The following CCDC39 variants were observed in gnomAD, a reference collection of about 807,000 sequenced individuals.
CCDC39 encodes the protein coiled-coil domain 39 molecular ruler complex subunit, also known as coiled-coil domain-containing protein 39.
Under a neutral mutation model 121.0 loss-of-function variants are expected in CCDC39, and 113 were observed. The ratio of observed to expected loss-of-function variants is 0.93; its 90% CI spans 0.80 to 1.09. The LOEUF is 1.09. CCDC39 is among the 50% of genes least tolerant of loss of function. The probability of loss-of-function intolerance (pLI) is 0.00; values close to 1 mark genes in which losing one functional copy is unlikely to be tolerated. For synonymous variants in CCDC39, 349 were observed against 352.2 expected, an observed-to-expected ratio of 0.99 and a Z score of 0.10; for missense variants, 1,063 against 1,074.7, an observed-to-expected ratio of 0.99 and a Z score of 0.15.
intron 1 of CCDC39, among the ~76,000 whole-genome samples, chr3:180,665,859 T>A (rs1351495327): frequency 6.6e-6 from 1 of 151,916 alleles, no homozygotes; most frequent in Admixed American, 6.6e-5. Context: ...AAAAATAATT[T>A]AAAAATAATC....
rs562082088 is a variant in CCDC39 at position 180,629,363 on chromosome 3, G to A, written c.1998+2106C>T. Reference sequence around the variant, plus strand: ...CTACTGGCCAAAATTCATTTACATTGTTAGCAGCAAGATATCACTTACGTT... The same window carrying A: ...CTACTGGCCAAAATTCATTTACATTATTAGCAGCAAGATATCACTTACGTT... On this transcript the variant is annotated intron_variant, in intron 14 of 19. Transcript: ENST00000476379. Among the ~76,000 whole-genome samples the A allele has an allele frequency of 1.2e-4, 19 of 152,286 alleles. 1 individual carries two copies. In the East Asian group the frequency reaches 3.3e-3, roughly 26 times the overall value.
At chr3:180,647,666 A>T (rs1718104702) in intron 10 of CCDC39, among the ~76,000 whole-genome samples, 2 of 152,072 alleles carry the variant, frequency 1.3e-5, no homozygotes, top group Admixed American at 1.3e-4. Flanking sequence ...ATACTTTAAC[A>T]TCTGTAATTT....
chr3:180,676,218 T>A (rs1159079950), intron 1 of CCDC39, among the ~76,000 whole-genome samples: 70 of 152,198 alleles, frequency 4.6e-4, no homozygotes, highest in Non-Finnish European at 1.8e-4. Flanking sequence ...AACTACAGAA[T>A]GGGAGAAAAT....
At chr3:180,634,026 T>G (rs1183284119) in intron 13 of CCDC39, among the ~76,000 whole-genome samples, 3 of 152,116 alleles carry the variant, frequency 2.0e-5, no homozygotes, top group Non-Finnish European at 4.4e-5. Context: ...GCCTGAGGAC[T>G]ATGCCTGAGC....
rs2108402253 is a variant in CCDC39, at chr3:180,614,054, A to G, written c.*867T>C. On this transcript the variant is annotated 3_prime_UTR_variant, in exon 20 of 20. Transcript: ENST00000476379. ...AAAATCCAGTTTTATAATATTCCAC[A>G]CTCTATTCCAAGAGTACAAAGTGTT... is the stretch of plus-strand genomic sequence containing the variant. The G allele has an allele frequency of 6.4e-6, 2 of 310,722 alleles. No individual in the cohort carries two copies. Among genetic ancestry groups the G allele is most frequent in the East Asian group, 1.7e-4 (2 of 11,960 alleles). The allele number at this position is 310,722 out of a possible 1,614,324, so 19.2% of individuals were successfully genotyped here. A position where few individuals can be genotyped will look rare whatever the true frequency, so the allele number is the denominator to read the frequency against.
intron 1 of CCDC39, among the ~76,000 whole-genome samples, chr3:180,669,220 C>T (rs1560094852): frequency 1.3e-5 from 2 of 151,856 alleles, no homozygotes; most frequent in Non-Finnish European, 2.9e-5. Context: ...TTTATCTTTA[C>T]AAAAGTGCCA....
rs146699873 is a variant in CCDC39 at position 180,633,302 on chromosome 3, G to C, written c.1875-1710C>G. 5.1e-3 allele frequency among the ~76,000 whole-genome samples: 781 copies of C among 152,292 alleles called. 9 individuals carry two copies. Among genetic ancestry groups the C allele is most frequent in the African/African-American group, 0.018 (730 of 41,562 alleles). ...AAGGACCATTAAACATTTATGGAAA[G>C]CAAATGGCAAAAATGAACAAAGAAC... On this transcript the variant is annotated intron_variant, in intron 13 of 19. Transcript: ENST00000476379.
chr3:180,617,428 G>T (rs1029773233), intron 16 of CCDC39: 1 of 675,886 alleles, frequency 1.5e-6, no homozygotes, highest in Non-Finnish European at 2.7e-6. Flanking sequence ...CCTCAGGCAG[G>T]TCCTTCAGGA....
At chr3:180,631,623 A>AT (rs1414247760) in intron 13 of CCDC39, 31 bp from the exon 14 acceptor site, 10 of 1,571,922 alleles carry the variant, frequency 6.4e-6, no homozygotes, top group Non-Finnish European at 8.6e-6. Flanking sequence ...TGAGAAATGA[A>AT]TAACATACTT....
At chr3:180,623,247 CTAATTTA>C (rs1717475003) in intron 14 of CCDC39, among the ~76,000 whole-genome samples, 2 of 151,524 alleles carry the variant, frequency 1.3e-5, no homozygotes, top group Non-Finnish European at 3.0e-5. Flanking sequence ...TCTAGGTTTT[CTAATTTA>C]TAAGTTAGTA....
chr3:180,645,391 G>A (rs1323585331), intron 11 of CCDC39, among the ~76,000 whole-genome samples: 5 of 151,532 alleles, frequency 3.3e-5, no homozygotes, highest in East Asian at 1.9e-4. Context: ...CCAGAATAAG[G>A]TTTGTGCTCT....
chr3:180,661,765 T>C, intron 3 of CCDC39, 96 bp downstream of exon 3: 1 of 1,082,020 alleles, frequency 9.2e-7, no homozygotes, highest in Non-Finnish European at 1.3e-6. Flanking sequence ...AACTAATGTA[T>C]GCCTTTCCCA....
Position 180,620,505 on chromosome 3 carries a change from C to T in CCDC39, c.1999-535G>A, listed in dbSNP as rs796362592. Among the ~76,000 whole-genome samples, 23 of 152,110 alleles carry T rather than the reference C, an allele frequency of 1.5e-4. 2 individuals are homozygous for T. The highest frequency in any genetic ancestry group is 5.1e-4 in the African/African-American group (21 of 41,510). Reference sequence around the variant, plus strand: ...TTGCTAAAGGCCAAAATTATTTCCTCTAAGAGTGGACATACTCAGTGACTT... The same window carrying T: ...TTGCTAAAGGCCAAAATTATTTCCTTTAAGAGTGGACATACTCAGTGACTT... On this transcript the variant is annotated intron_variant, in intron 14 of 19. Coordinates refer to ENST00000476379, the MANE Select transcript of CCDC39 (RefSeq NM_181426.2).
At position 180,654,830 on chromosome 3, in the gene CCDC39, G is replaced by C. The variant is rs1458123630; in HGVS notation, c.862C>G (p.Arg288Gly). 2 of 1,609,864 alleles carry C rather than the reference G, an allele frequency of 1.2e-6. No homozygotes were observed. Among genetic ancestry groups the C allele is most frequent in the East Asian group, 4.5e-5 (2 of 44,634 alleles). ...GCCGTTCTACATTTTAAAAGTTTAC[G>C]ATCAGCCACAGAAATTCTTTTCTCA... ...EFEKRISVADRKLLKCRTAYQ... is the reference protein window; with the variant it reads ...EFEKRISVADGKLLKCRTAYQ... The change falls in exon 7 of 20, where the codon CGT becomes GGT. Residue 288 changes from arginine to glycine, a missense_variant. Coordinates refer to ENST00000476379, the MANE Select transcript of CCDC39 (RefSeq NM_181426.2).
chr3:180,637,326 T>A (rs1371088173), intron 13 of CCDC39, among the ~76,000 whole-genome samples: 1 of 151,464 alleles, frequency 6.6e-6, no homozygotes, highest in African/African-American at 2.4e-5. Context: ...GAAAAAAAGC[T>A]CAATAGATCT....
intron 16 of CCDC39, among the ~76,000 whole-genome samples, chr3:180,617,226 T>G (rs1251140978): frequency 6.6e-6 from 1 of 152,114 alleles, no homozygotes; most frequent in Non-Finnish European, 1.5e-5. Flanking sequence ...AGTCATGAGT[T>G]TGTGGTGATG....
At chr3:180,654,725 G>C in intron 7 of CCDC39, 37 bp downstream of exon 7, 5 of 1,419,228 alleles carry the variant, frequency 3.5e-6, no homozygotes, top group South Asian at 1.3e-5. Flanking sequence ...GTGATTTGTC[G>C]TGAACATACA....
At chr3:180,677,211 T>TAA (rs1187839351) in intron 1 of CCDC39, among the ~76,000 whole-genome samples, 3 of 109,880 alleles carry the variant, frequency 2.7e-5, no homozygotes, top group Non-Finnish European at 3.8e-5. Context: ...TATATATATA[T>TAA]ATATAAAATC....
In CCDC39 at chr3:180,659,506, C is replaced by T; in HGVS notation, c.684G>A (p.Glu228=). Residue 228 remains glutamate, a synonymous_variant, in exon 6 of 20, where the codon GAG becomes GAA. Coordinates refer to ENST00000476379, the MANE Select transcript of CCDC39 (RefSeq NM_181426.2). ...TCTTCTGCATCTGTTCTATTGTGTT[C>T]TCCCATTGTTTAATGAGTTCTTGTC... The part of the protein sequence containing the change: ...NERQELIKQW[E]NTIEQMQKRD... The T allele has an allele frequency of 1.2e-6, 2 of 1,613,462 alleles. No homozygotes were observed. The highest frequency in any genetic ancestry group is 1.1e-5 in the South Asian group (1 of 91,052).
Sources: gnomAD v4.1 joint callset for allele counts (sites outside exome capture counted in the v4.1 genomes callset) on GRCh38, gnomAD v4.1.1 for gene constraint, MANE v1.5 for transcripts, NCBI Gene and HGNC (gene_info 2026-07-23, HGNC 2026-07-21) for gene names.